POU2AF2: variants seen among roughly 807,000 people sequenced by gnomAD.
POU2AF2 encodes the protein POU domain class 2-associating factor 2.
the POU2AF2 span, among the ~76,000 whole-genome samples, chr11:111,264,667 G>T: frequency 6.7e-6 from 1 of 148,802 alleles, no homozygotes; most frequent in Admixed American, 6.7e-5. Flanking sequence ...GAAAGAGGGA[G>T]GGAGGAAGGA....
the POU2AF2 span, among the ~76,000 whole-genome samples, chr11:111,254,611 C>T: frequency 2.0e-5 from 3 of 152,266 alleles, no homozygotes; most frequent in South Asian, 6.2e-4. Context: ...ACTGTGATTA[C>T]CAGCAACCTC....
chr11:111,246,578 A>C, the POU2AF2 span, among the ~76,000 whole-genome samples: 1 of 152,218 alleles, frequency 6.6e-6, no homozygotes, highest in Non-Finnish European at 1.5e-5. Context: ...ATATTTTTTA[A>C]ATGCTGCAAT....
At chr11:111,286,024 G>A in the POU2AF2 span, 4 of 1,613,508 alleles carry the variant, frequency 2.5e-6, no homozygotes, top group South Asian at 4.4e-5. Context: ...GTATTGCCTG[G>A]GGGTCATATG....
the POU2AF2 span, among the ~76,000 whole-genome samples, chr11:111,278,097 G>A: frequency 1.3e-5 from 2 of 152,158 alleles, no homozygotes; most frequent in Admixed American, 1.3e-4. Context: ...CAAAAGGTTT[G>A]GAGAAATATA....
chr11:111,269,205 GA>G, the POU2AF2 span, among the ~76,000 whole-genome samples: 47 of 74,706 alleles, frequency 6.3e-4, no homozygotes, highest in Admixed American at 1.9e-3. Context: ...AATTTAAAAA[GA>G]AAAAAAAAAT....
chr11:111,276,453 A>AAAAAAAAAAATATATATATAT, the POU2AF2 span, among the ~76,000 whole-genome samples: 3 of 37,690 alleles, frequency 8.0e-5, no homozygotes, highest in Non-Finnish European at 1.0e-4. Flanking sequence ...AAAAAAAAAA[A>AAAAAAAAAAATATATATATAT]ATATATATAT....
chr11:111,263,120 T>G, the POU2AF2 span, among the ~76,000 whole-genome samples: 1 of 152,242 alleles, frequency 6.6e-6, no homozygotes, highest in Admixed American at 6.5e-5. Flanking sequence ...TGTTGTATGT[T>G]GGATGTCTAG....
chr11:111,264,577 G>GAAAGAAAGAAAGAGA, the POU2AF2 span, among the ~76,000 whole-genome samples: 3 of 22,930 alleles, frequency 1.3e-4, 1 homozygote, highest in Admixed American at 6.0e-4. Flanking sequence ...AGAAAGAAAG[G>GAAAGAAAGAAAGAGA]GAGAGAGAAA....
chr11:111,284,714 A>C, the POU2AF2 span, among the ~76,000 whole-genome samples: 1 of 152,192 alleles, frequency 6.6e-6, no homozygotes, highest in East Asian at 1.9e-4. Flanking sequence ...GCAGCCCCTA[A>C]GGAAGGAACA....
the POU2AF2 span, among the ~76,000 whole-genome samples, chr11:111,254,062 C>T: frequency 6.0e-4 from 91 of 152,280 alleles, no homozygotes; most frequent in African/African-American, 2.1e-3. Context: ...TATTTCTCTC[C>T]CCACTAGATA....
the POU2AF2 span, chr11:111,283,974 C>A: frequency 9.7e-7 from 1 of 1,031,944 alleles, no homozygotes; most frequent in Non-Finnish European, 1.5e-6. Flanking sequence ...GAGTCAGGCA[C>A]GCGTTAGTAA....
At chr11:111,278,259 A>G in the POU2AF2 span, among the ~76,000 whole-genome samples, 1 of 152,234 alleles carries the variant, frequency 6.6e-6, no homozygotes, top group Non-Finnish European at 1.5e-5. Flanking sequence ...AATAAGAGGT[A>G]GAGCTGGGAT....
the POU2AF2 span, chr11:111,285,997 G>A: frequency 1.2e-6 from 2 of 1,613,760 alleles, no homozygotes; most frequent in Non-Finnish European, 8.5e-7. Context: ...CTTCCCCTTG[G>A]GTGAAAGAAG....
the POU2AF2 span, chr11:111,285,668 C>A: frequency 6.2e-7 from 1 of 1,612,686 alleles, no homozygotes; most frequent in Non-Finnish European, 8.5e-7. Context: ...CTCATGGGAG[C>A]AGACGTTGCC....
At chr11:111,269,965 T>A in the POU2AF2 span, among the ~76,000 whole-genome samples, 20 of 152,222 alleles carry the variant, frequency 1.3e-4, no homozygotes, top group Non-Finnish European at 4.4e-5. Context: ...TTCAAAAGAT[T>A]TGAGATTTGC....
chr11:111,267,716 C>A, the POU2AF2 span, among the ~76,000 whole-genome samples: 1 of 152,138 alleles, frequency 6.6e-6, no homozygotes, highest in South Asian at 2.1e-4. Flanking sequence ...TGGTGACCCA[C>A]CCCTTCAATG....
chr11:111,245,776 C>T, the POU2AF2 span: 1 of 398,768 alleles, frequency 2.5e-6, no homozygotes, highest in African/African-American at 2.1e-5. Context: ...AGACCAGGAC[C>T]CCTTACCAAG....
At chr11:111,276,557 G>T in the POU2AF2 span, among the ~76,000 whole-genome samples, 2 of 144,652 alleles carry the variant, frequency 1.4e-5, no homozygotes, top group Non-Finnish European at 3.0e-5. Flanking sequence ...GAGGAGAATC[G>T]CTTGAACCCA....
At chr11:111,281,485 A>T in the POU2AF2 span, 2 of 1,600,302 alleles carry the variant, frequency 1.2e-6, no homozygotes, top group Middle Eastern at 3.3e-4. Flanking sequence ...TTTGAATTTA[A>T]ATCAAGCATC....
Sources: gnomAD v4.1 joint callset for allele counts (sites outside exome capture counted in the v4.1 genomes callset) on GRCh38, gnomAD v4.1.1 for gene constraint, MANE v1.5 for transcripts, NCBI Gene and HGNC (gene_info 2026-07-23, HGNC 2026-07-21) for gene names.